The following WIPF3 variants were observed in gnomAD, a reference collection of about 807,000 sequenced individuals.
WIPF3 encodes the protein WAS/WASL-interacting protein family member 3.
Under a neutral mutation model 38.9 loss-of-function variants are expected in WIPF3, and 33 were observed. The observed-to-expected ratio is 0.85, with a 90% CI of 0.64 to 1.14. The LOEUF is 1.14. Ranked by LOEUF, WIPF3 falls within the 50% of genes most tolerant of loss-of-function variation. The probability of loss-of-function intolerance (pLI) is 0.00; values close to 1 mark genes in which losing one functional copy is unlikely to be tolerated. For missense variants in WIPF3, 711 were observed against 652.5 expected, an observed-to-expected ratio of 1.09 and a Z score of -0.98; for synonymous variants, 324 against 269.3, an observed-to-expected ratio of 1.20 and a Z score of -1.99.
chr7:29,824,788 A>G (rs1446650130), intron 1 of WIPF3, among the ~76,000 whole-genome samples: 1 of 152,084 alleles, frequency 6.6e-6, no homozygotes, highest in Non-Finnish European at 1.5e-5. Flanking sequence ...TCAGGAAGGA[A>G]TCTGCCTGGT....
intron 8 of WIPF3, chr7:29,904,662 T>C (rs1490351842): frequency 8.5e-6 from 3 of 352,250 alleles, no homozygotes; most frequent in South Asian, 5.4e-5. Flanking sequence ...TTGGTTATGA[T>C]GGCCTGTGAG....
intron 1 of WIPF3, among the ~76,000 whole-genome samples, chr7:29,817,334 G>C (rs1481326504): frequency 1.3e-5 from 2 of 151,944 alleles, no homozygotes; most frequent in Non-Finnish European, 2.9e-5. Context: ...GTATGACTGG[G>C]CTTTATTTAA....
chr7:29,884,144 C>CT lies in WIPF3; in HGVS notation c.650_651insT (p.Val219ArgfsTer26). The CT allele has an allele frequency of 1.3e-6, 2 of 1,530,250 alleles. No individual in the cohort carries two copies. Among genetic ancestry groups the CT allele is most frequent in the Non-Finnish European group, 1.8e-6 (2 of 1,136,446 alleles). 94.8% of individuals were successfully genotyped at this position (1,530,250 alleles called of 1,614,324 possible). A position where few individuals can be genotyped will look rare whatever the true frequency, so the allele number is the denominator to read the frequency against. ...AAAGGGAACCTCCCGGTGGTTGCAC[C>CT]CCCCGTCCCCTGTGCGCCACCACCT... is the stretch of plus-strand genomic sequence containing the variant. On this transcript the variant is annotated frameshift_variant, in exon 5 of 9. Coordinates refer to ENST00000242140, the MANE Select transcript of WIPF3 (RefSeq NM_001080529.3). LOFTEE classifies it high-confidence loss of function.
chr7:29,900,589 T>C (rs1051570801), intron 7 of WIPF3, among the ~76,000 whole-genome samples: 11 of 152,182 alleles, frequency 7.2e-5, no homozygotes, highest in Non-Finnish European at 1.6e-4. Flanking sequence ...AGGCCAGATA[T>C]GCAGTCTCTA....
chr7:29,845,069 A>G (rs1453026102), intron 2 of WIPF3, among the ~76,000 whole-genome samples: 1 of 137,620 alleles, frequency 7.3e-6, no homozygotes. Context: ...TGTTTTCCCC[A>G]CTTGCTTTTT....
At chr7:29,877,580 ATTGCTTATTGG>A in intron 3 of WIPF3, among the ~76,000 whole-genome samples, 1 of 152,206 alleles carries the variant, frequency 6.6e-6, no homozygotes, top group South Asian at 2.1e-4. Context: ...TAGGAAAATG[ATTGCTTATTGG>A]TAGCATAGAA....
intron 2 of WIPF3, among the ~76,000 whole-genome samples, chr7:29,852,505 A>G (rs1176709095): frequency 1.3e-5 from 2 of 152,242 alleles, no homozygotes; most frequent in Admixed American, 6.5e-5. Flanking sequence ...TATGGCAGCT[A>G]TATTAGGACA....
intron 8 of WIPF3, chr7:29,904,579 C>A (rs1369868567): frequency 5.7e-6 from 3 of 526,308 alleles, no homozygotes; most frequent in Non-Finnish European, 1.0e-5. Context: ...CCTGGAATCA[C>A]CACTACATAT....
chr7:29,886,757 A>G (rs969514950), intron 5 of WIPF3, among the ~76,000 whole-genome samples: 1 of 151,624 alleles, frequency 6.6e-6, no homozygotes, highest in African/African-American at 2.4e-5. Flanking sequence ...GTTTTTTATT[A>G]ATACTGAATT....
rs553972800 is a variant in WIPF3, at chr7:29,844,495, A to G, written c.90+9681A>G. On this transcript the variant is annotated intron_variant, in intron 2 of 8. Coordinates refer to ENST00000242140, the MANE Select transcript of WIPF3 (RefSeq NM_001080529.3). The surrounding 1 kb of genome is among the most constrained non-coding windows in gnomAD (Gnocchi z 4.8). ...AGGGACCGGTAGTGCCATTTTAAGG[A>G]TGAGAGAACTGAGGCACAGAAAGTT... Among the ~76,000 whole-genome samples, 2 of 152,320 alleles carry G rather than the reference A, an allele frequency of 1.3e-5. No individual in the cohort carries two copies. The highest frequency in any genetic ancestry group is 4.1e-4 in the South Asian group (2 of 4,828).
chr7:29,817,871 C>T (rs1485714420), intron 1 of WIPF3, among the ~76,000 whole-genome samples: 1 of 152,080 alleles, frequency 6.6e-6, no homozygotes, highest in African/African-American at 2.4e-5. Flanking sequence ...TAAATTTATA[C>T]ATTAATATAG....
chr7:29,836,202 G>A (rs1784797047), intron 2 of WIPF3, among the ~76,000 whole-genome samples: 1 of 152,196 alleles, frequency 6.6e-6, no homozygotes. Flanking sequence ...CAAATTCAAG[G>A]TCATTGCCAC....
chr7:29,848,991 A>G (rs1465375175), intron 2 of WIPF3, among the ~76,000 whole-genome samples: 1 of 152,222 alleles, frequency 6.6e-6, no homozygotes, highest in Non-Finnish European at 1.5e-5. Context: ...GGAGTTATGT[A>G]GCATGCTTTC....
In WIPF3 at chr7:29,915,144, G is replaced by A. The variant is rs1194658696; in HGVS notation, c.*628G>A. On this transcript the variant is annotated 3_prime_UTR_variant, in exon 9 of 9. Transcript: ENST00000242140. ...AATACATCACAAAGTAAAGGCAAGA[G>A]TGGGCTTGGCCCTCCGATGCCAACC... 8 of 138,518 alleles carry A rather than the reference G, an allele frequency of 5.8e-5. No homozygotes were observed. Among genetic ancestry groups the A allele is most frequent in the Admixed American group, 5.4e-4 (7 of 13,040 alleles). The allele number at this position is 138,518 out of a possible 1,614,324, so 8.6% of individuals were successfully genotyped here.
At position 29,883,929 on chromosome 7, in the gene WIPF3, C is replaced by T. The variant is rs984561314; in HGVS notation, c.435C>T (p.Ile145=). Residue 145 remains isoleucine, a synonymous_variant, in exon 5 of 9, where the codon ATC becomes ATT. Transcript: ENST00000242140. ...LPNKTISGPL[I]PPASPRLGNT... ...ACAAAACCATCAGCGGCCCGCTTAT[C>T]CCGCCTGCCTCTCCCAGGCTAGGCA... 9.5e-6 allele frequency: 15 copies of T among 1,581,400 alleles called. No homozygotes were observed. Among genetic ancestry groups the T allele is most frequent in the East Asian group, 6.9e-5 (3 of 43,374 alleles).
At chr7:29,897,289 G>T (rs1027634221) in intron 7 of WIPF3, among the ~76,000 whole-genome samples, 11 of 152,178 alleles carry the variant, frequency 7.2e-5, no homozygotes, top group Non-Finnish European at 7.4e-5. Context: ...CTCTGAACAT[G>T]GAAGTACAAA....
intron 8 of WIPF3, chr7:29,906,005 C>G (rs1468570220): frequency 6.6e-6 from 1 of 152,010 alleles, no homozygotes; most frequent in Non-Finnish European, 1.5e-5. Flanking sequence ...CAGAGACAGC[C>G]TACAACAATC....
intron 1 of WIPF3, among the ~76,000 whole-genome samples, chr7:29,814,329 C>A (rs1289940584): frequency 1.3e-5 from 2 of 152,136 alleles, no homozygotes; most frequent in African/African-American, 2.4e-5. Flanking sequence ...ACATAGTAAC[C>A]TTCAGTAAGT....
At chr7:29,910,887 A>G (rs1480265322) in intron 8 of WIPF3, among the ~76,000 whole-genome samples, 1 of 152,198 alleles carries the variant, frequency 6.6e-6, no homozygotes, top group Non-Finnish European at 1.5e-5. Context: ...CATCGCTTCT[A>G]TTCAACATAG....
Sources: allele counts gnomAD v4.1 joint callset (sites outside exome capture counted in the v4.1 genomes callset), GRCh38; gene constraint gnomAD v4.1.1; non-coding constraint Gnocchi (gnomAD v3.1); transcripts MANE v1.5; gene names NCBI Gene and HGNC (gene_info 2026-07-23, HGNC 2026-07-21).